TRDN: variants seen among roughly 807,000 people sequenced by gnomAD.
TRDN encodes triadin in skeletal muscle.
TRDN carries 161 observed loss-of-function variants against 149.7 expected under a neutral mutation model. That is an observed-to-expected ratio of 1.08 (90% confidence interval 0.95 to 1.23). The LOEUF (loss-of-function observed/expected upper bound fraction) is 1.23, where lower values mean the gene tolerates loss of function less well. Among genes scored for constraint, TRDN ranks in the 50% most tolerant of loss-of-function variants. The pLI, the probability that TRDN is intolerant of heterozygous loss-of-function variation, is 0.00. For missense variants in TRDN, 896 were observed against 823.5 expected (o/e 1.09, Z -1.08); for synonymous variants, 294 against 250.5 (o/e 1.17, Z -1.64).
At chr6:123,280,964 A>C (rs971065041) in intron 24 of TRDN, among the ~76,000 whole-genome samples, 1 of 152,114 alleles carries the variant, frequency 6.6e-6, no homozygotes, top group East Asian at 1.9e-4. Flanking sequence ...TAGATAAATA[A>C]GTAAAACAAA....
At chr6:123,596,876 A>G (rs1784062210) in intron 1 of TRDN, among the ~76,000 whole-genome samples, 1 of 152,116 alleles carries the variant, frequency 6.6e-6, no homozygotes, top group Non-Finnish European at 1.5e-5. Context: ...TTGAGAATGT[A>G]CTTGGTCACT....
intron 38 of TRDN, among the ~76,000 whole-genome samples, chr6:123,233,705 A>AT (rs1246430291): frequency 6.6e-6 from 1 of 152,046 alleles, no homozygotes; most frequent in Non-Finnish European, 1.5e-5. Context: ...ACTTCAGCCA[A>AT]TTTTTTCTCC....
At chr6:123,588,846 T>C (rs191151872) in intron 1 of TRDN, among the ~76,000 whole-genome samples, 1 of 152,326 alleles carries the variant, frequency 6.6e-6, no homozygotes, top group East Asian at 1.9e-4. Flanking sequence ...ACTATTAGTA[T>C]ATGTTAAACT....
intron 1 of TRDN, among the ~76,000 whole-genome samples, chr6:123,577,341 C>T (rs187448810): frequency 6.6e-6 from 1 of 152,190 alleles, no homozygotes; most frequent in East Asian, 1.9e-4. Context: ...TTGTTCCCTT[C>T]TTTGCATTCA....
intron 24 of TRDN, among the ~76,000 whole-genome samples, chr6:123,296,838 G>A (rs1778219781): frequency 6.6e-6 from 1 of 151,944 alleles, no homozygotes. Context: ...AATGGTAAAT[G>A]CTTTGAAAAT....
At chr6:123,403,591 C>T (rs1389420204) in intron 12 of TRDN, among the ~76,000 whole-genome samples, 1 of 152,004 alleles carries the variant, frequency 6.6e-6, no homozygotes, top group Non-Finnish European at 1.5e-5. Flanking sequence ...AAGAAAAAAG[C>T]ATAGGTATAA....
In TRDN at chr6:123,279,066, A is replaced by G; in HGVS notation, c.1527T>C (p.Pro509=). 1.9e-6 allele frequency: 3 copies of G among 1,608,786 alleles called. No homozygotes were observed. The highest frequency in any genetic ancestry group is 2.5e-6 in the Non-Finnish European group (3 of 1,177,620). Reference sequence around the variant, plus strand: ...ATGCATATAACATACGTGGAGGTTTAGGCTTGACTTCTTTGCCTAGAAAAA... The same window carrying G: ...ATGCATATAACATACGTGGAGGTTTGGGCTTGACTTCTTTGCCTAGAAAAA... ...KMSKAGKEVK[P]KPPQLQGKKE... The change falls in exon 25 of 41, where the codon CCT becomes CCC. Residue 509 remains proline (P), a synonymous_variant. Coordinates refer to ENST00000334268, the MANE Select transcript of TRDN (RefSeq NM_006073.4).
intron 38 of TRDN, among the ~76,000 whole-genome samples, chr6:123,246,674 A>G (rs927454091): frequency 6.6e-6 from 1 of 152,124 alleles, no homozygotes; most frequent in Non-Finnish European, 1.5e-5. Flanking sequence ...AGGAGTTAGT[A>G]CCATACCTTC....
At chr6:123,423,086 TA>T (rs1773977612) in intron 12 of TRDN, among the ~76,000 whole-genome samples, 2 of 152,286 alleles carry the variant, frequency 1.3e-5, no homozygotes, top group African/African-American at 4.8e-5. Context: ...TCGCTGTGTT[TA>T]TTAATAGTTT....
At chr6:123,252,273 C>A in intron 38 of TRDN, 139 bp downstream of exon 38, 2 of 418,232 alleles carry the variant, frequency 4.8e-6, no homozygotes. Flanking sequence ...ACAATAAAAG[C>A]TAATAAATTC....
intron 1 of TRDN, among the ~76,000 whole-genome samples, chr6:123,631,590 T>G (rs1786010429): frequency 1.3e-5 from 2 of 152,056 alleles, no homozygotes; most frequent in African/African-American, 4.8e-5. Flanking sequence ...CTGTTCAATT[T>G]AGAGAGTAAT....
intron 20 of TRDN, among the ~76,000 whole-genome samples, chr6:123,355,979 G>A (rs1225238192): frequency 6.6e-6 from 1 of 151,660 alleles, no homozygotes; most frequent in East Asian, 1.9e-4. Flanking sequence ...GACATTTTAT[G>A]CAGAAAACTT....
At chr6:123,299,636 C>G (rs569695285) in intron 24 of TRDN, among the ~76,000 whole-genome samples, 1 of 152,064 alleles carries the variant, frequency 6.6e-6, no homozygotes, top group South Asian at 2.1e-4. Context: ...AGTATCAAGC[C>G]TCTTTTAAGT....
chr6:123,439,132 A>T, intron 10 of TRDN, 129 bp from the exon 11 acceptor site: 1 of 647,812 alleles, frequency 1.5e-6, no homozygotes, highest in East Asian at 2.8e-5. Context: ...AAGTAATTTA[A>T]TCCCACTAAG....
chr6:123,464,678 C>T (rs542493876), intron 10 of TRDN: 79 of 1,299,694 alleles, frequency 6.1e-5, no homozygotes, highest in Admixed American at 1.3e-4. Flanking sequence ...CTAGAGTGGG[C>T]ATCCTTCTGG....
At chr6:123,442,069 A>G (rs1183303011) in intron 10 of TRDN, 1 of 152,212 alleles carries the variant, frequency 6.6e-6, no homozygotes, top group African/African-American at 2.4e-5. Flanking sequence ...AGCTGAAGAT[A>G]AGTTCAATTA....
At chr6:123,440,186 T>C (rs1319664191) in intron 10 of TRDN, among the ~76,000 whole-genome samples, 2 of 152,188 alleles carry the variant, frequency 1.3e-5, no homozygotes, top group Non-Finnish European at 2.9e-5. Flanking sequence ...GTTAGACATA[T>C]AATTTATAAA....
chr6:123,593,484 G>GT (rs1783888589), intron 1 of TRDN, among the ~76,000 whole-genome samples: 2 of 152,326 alleles, frequency 1.3e-5, no homozygotes, highest in East Asian at 3.9e-4. Context: ...CAACACAAAT[G>GT]TGTTGCCACA....
At chr6:123,333,531 TGA>T (rs1476509104) in intron 22 of TRDN, among the ~76,000 whole-genome samples, 1 of 152,120 alleles carries the variant, frequency 6.6e-6, no homozygotes, top group African/African-American at 2.4e-5. Flanking sequence ...GTTCCTAGGC[TGA>T]GTCATCACTT....
Sources: gnomAD v4.1 joint callset for allele counts (sites outside exome capture counted in the v4.1 genomes callset) on GRCh38, gnomAD v4.1.1 for gene constraint, MANE v1.5 for transcripts, NCBI Gene and HGNC (gene_info 2026-07-23, HGNC 2026-07-21) for gene names.